The following SMU1 variants were observed in gnomAD, a reference collection of about 807,000 sequenced individuals.
SMU1 encodes WD40 repeat-containing protein SMU1.
SMU1 carries 2 observed loss-of-function variants against 62.0 expected under a neutral mutation model. The ratio of observed to expected loss-of-function variants is 0.03; its 90% CI spans 0.01 to 0.10. The LOEUF is 0.10. SMU1 is among the 10% of genes least tolerant of loss of function. The probability of loss-of-function intolerance (pLI) is 1.00; values close to 1 mark genes in which losing one functional copy is unlikely to be tolerated. For synonymous variants in SMU1, 188 were observed against 212.4 expected (o/e 0.89, Z 1.00); for missense variants, 227 against 622.1 (o/e 0.36, Z 6.76).
At chr9:33,058,239 T>C (rs944247864) in intron 6 of SMU1, among the ~76,000 whole-genome samples, 1 of 152,186 alleles carries the variant, frequency 6.6e-6, no homozygotes, top group Admixed American at 6.5e-5. Context: ...TAAAGAAACA[T>C]ATAAAGTAGA....
chr9:33,065,419 A>C (rs1408687882), intron 4 of SMU1, among the ~76,000 whole-genome samples: 1 of 152,244 alleles, frequency 6.6e-6, no homozygotes, highest in Non-Finnish European at 1.5e-5. Flanking sequence ...GTCTCTAGAA[A>C]ATCCACTGAA....
At position 33,076,642 on chromosome 9, in the gene SMU1, C is replaced by G; in HGVS notation, c.-34G>C. 6.2e-7 allele frequency: 1 copy of G among 1,613,694 alleles called. No homozygotes were observed. The highest frequency in any genetic ancestry group is 8.5e-7 in the Non-Finnish European group (1 of 1,180,022). On this transcript the variant is annotated 5_prime_UTR_variant, in exon 1 of 12. Transcript: ENST00000397149. ...CTCTCCGGGAGCAGGCCCCAGCTCT[C>G]CCTCAAGGCCAGTCGCGCAACACAC... is the stretch of plus-strand genomic sequence containing the variant.
chr9:33,061,107 A>C (rs755299807), intron 5 of SMU1, among the ~76,000 whole-genome samples: 1 of 152,228 alleles, frequency 6.6e-6, no homozygotes, highest in Non-Finnish European at 1.5e-5. Flanking sequence ...TAGAAGAACT[A>C]ATTAAAGCTA....
chr9:33,074,450 A>AC (rs777082159), intron 1 of SMU1, among the ~76,000 whole-genome samples: 10,750 of 142,174 alleles, frequency 0.076, 427 homozygotes, highest in Non-Finnish European at 0.1. Flanking sequence ...ACACACACAC[A>AC]AAAAAAAAAA....
intron 1 of SMU1, among the ~76,000 whole-genome samples, 153 bp downstream of exon 1, chr9:33,076,430 C>T (rs1485477723): frequency 1.3e-5 from 2 of 152,126 alleles, no homozygotes; most frequent in Non-Finnish European, 2.9e-5. Context: ...GGCCCACCTC[C>T]GAGGTAGCGA....
At position 33,057,692 on chromosome 9, in the gene SMU1, T is replaced by C; in HGVS notation, c.773A>G (p.Asp258Gly). The change falls in exon 7 of 12, where the codon GAT becomes GGT. Residue 258 changes from aspartate to glycine, a missense_variant. Asp to Gly is a moderately conservative substitution (Grantham distance 94). Transcript: ENST00000397149. ...AGCATCATCCATCATCATAAAGTTA[T>C]CTTGGGCCTGGTACTTAAGATCCTA... ...IRKDLKYQAQ[D>G]NFMMMDDAVL... 1 of 1,613,950 alleles carries C rather than the reference T, an allele frequency of 6.2e-7. No homozygotes were observed. Among genetic ancestry groups the C allele is most frequent in the Non-Finnish European group, 8.5e-7 (1 of 1,179,994 alleles).
chr9:33,056,213 G>A lies in SMU1; in HGVS notation c.1022C>T (p.Thr341Ile), dbSNP rs1328928646. The A allele has an allele frequency of 6.2e-7, 1 of 1,612,248 alleles. No individual in the cohort carries two copies. Among genetic ancestry groups the A allele is most frequent in the Non-Finnish European group, 8.5e-7 (1 of 1,179,038 alleles). The change falls in exon 9 of 12, where the codon ACC becomes ATC. Residue 341 changes from threonine (T) to isoleucine (I), a missense_variant. Coordinates refer to ENST00000397149, the MANE Select transcript of SMU1 (RefSeq NM_018225.3). ...GGAATGGCCACGAAATTCCTTCAGG[G>A]TTTTCCCAGATTTTAAACCATGAAT... ...IRIHGLKSGK[T>I]LKEFRGHSSF...
At chr9:33,054,171 C>G (rs1587707486) in intron 9 of SMU1, among the ~76,000 whole-genome samples, 1 of 150,344 alleles carries the variant, frequency 6.7e-6, no homozygotes, top group Admixed American at 6.6e-5. Context: ...AACCGCTTTT[C>G]TTTTCTTTTT....
intron 1 of SMU1, 121 bp downstream of exon 1, chr9:33,076,462 G>A: frequency 2.5e-6 from 3 of 1,212,404 alleles, no homozygotes; most frequent in South Asian, 2.5e-5. Flanking sequence ...CTTCTTTGGG[G>A]GCAAGGAAAT....
chr9:33,063,548 C>G (rs1047468229), intron 4 of SMU1, among the ~76,000 whole-genome samples: 2 of 152,144 alleles, frequency 1.3e-5, no homozygotes, highest in Non-Finnish European at 2.9e-5. Flanking sequence ...AACTGCAGAC[C>G]AGTACTGGTC....
At chr9:33,054,642 C>G (rs963379181) in intron 9 of SMU1, among the ~76,000 whole-genome samples, 1 of 152,154 alleles carries the variant, frequency 6.6e-6, no homozygotes, top group African/African-American at 2.4e-5. Context: ...ATAGCATTGT[C>G]CTGATACCAC....
At chr9:33,054,395 T>C (rs931269890) in intron 9 of SMU1, among the ~76,000 whole-genome samples, 1 of 152,098 alleles carries the variant, frequency 6.6e-6, no homozygotes, top group African/African-American at 2.4e-5. Flanking sequence ...AGGCATTTTT[T>C]AAAAAGCTAC....
chr9:33,059,080 G>A (rs1839334030), intron 6 of SMU1, among the ~76,000 whole-genome samples: 1 of 152,118 alleles, frequency 6.6e-6, no homozygotes, highest in Non-Finnish European at 1.5e-5. Flanking sequence ...AATAGAATTA[G>A]TACTACAATT....
chr9:33,048,549 C>T (rs1248100899), intron 10 of SMU1, among the ~76,000 whole-genome samples: 1 of 152,136 alleles, frequency 6.6e-6, no homozygotes, highest in East Asian at 1.9e-4. Context: ...CATTGCCATA[C>T]AAAAAACAAT....
intron 11 of SMU1, 93 bp downstream of exon 11, chr9:33,048,013 A>G (rs994751286): frequency 1.7e-6 from 2 of 1,180,408 alleles, no homozygotes; most frequent in East Asian, 4.9e-5. Context: ...TGAGGGTCAC[A>G]TCGATAGCTC....
chr9:33,056,355 A>C (rs1587708169), intron 8 of SMU1, 116 bp from the exon 9 acceptor site: 3 of 1,062,292 alleles, frequency 2.8e-6, no homozygotes, highest in Non-Finnish European at 2.6e-6. Context: ...TATTAAGTGA[A>C]GAGGGCTATG....
chr9:33,068,018 G>A (rs1839442105), intron 4 of SMU1, among the ~76,000 whole-genome samples: 1 of 152,068 alleles, frequency 6.6e-6, no homozygotes, highest in African/African-American at 2.4e-5. Flanking sequence ...ATCATCACCA[G>A]CAGCTACCAT....
intron 5 of SMU1, 58 bp downstream of exon 5, chr9:33,061,991 G>C (rs1839367013): frequency 1.3e-6 from 2 of 1,579,552 alleles, no homozygotes; most frequent in African/African-American, 2.7e-5. Context: ...GCCTGGCTGA[G>C]CCCATGACAA....
chr9:33,067,157 C>T (rs1188991021), intron 4 of SMU1, among the ~76,000 whole-genome samples: 1 of 151,946 alleles, frequency 6.6e-6, no homozygotes, highest in African/African-American at 2.4e-5. Flanking sequence ...ATAAAAATAA[C>T]TATGTAAACA....
Sources: allele counts gnomAD v4.1 joint callset (sites outside exome capture counted in the v4.1 genomes callset), GRCh38; gene constraint gnomAD v4.1.1; transcripts MANE v1.5; gene names NCBI Gene and HGNC (gene_info 2026-07-23, HGNC 2026-07-21).